TEKT1: variants seen among roughly 807,000 people sequenced by gnomAD.
TEKT1 encodes the protein tektin 1, also known as tektin-1.
In TEKT1, 32 loss-of-function variants were observed where a neutral mutation model predicts 34.8. The ratio of observed to expected loss-of-function variants is 0.92; its 90% CI spans 0.69 to 1.23. TEKT1 has a LOEUF of 1.23. TEKT1 is among the 50% of genes most tolerant of loss of function. The pLI is 0.00. For missense variants in TEKT1, 492 were observed against 518.5 expected (o/e 0.95, Z 0.50); for synonymous variants, 207 against 199.8 (o/e 1.04, Z -0.30).
At position 6,813,070 on chromosome 17, in the gene TEKT1, G is replaced by A. The variant is rs371322336; in HGVS notation, c.630-17C>T. 2.9e-5 allele frequency: 47 copies of A among 1,604,382 alleles called. No individual in the cohort carries two copies. The highest frequency in any genetic ancestry group is 1.3e-4 in the Admixed American group (8 of 59,838). ...CTCACGGAGCTGAAACAGACCTCAC[G>A]CTTTCATTCACAGCATATTTGGGGT... On this transcript the variant is annotated splice_polypyrimidine_tract_variant and intron_variant, in intron 5 of 7. Transcript: ENST00000338694.
At chr17:6,823,815 CTTTTTTT>C (rs33937600) in intron 2 of TEKT1, among the ~76,000 whole-genome samples, 5 of 77,666 alleles carry the variant, frequency 6.4e-5, no homozygotes, top group African/African-American at 3.0e-4. Flanking sequence ...AAACCTCATC[CTTTTTTT>C]TTTTTTTTTT....
intron 3 of TEKT1, among the ~76,000 whole-genome samples, chr17:6,817,518 G>A (rs1428805328): frequency 6.6e-6 from 1 of 152,068 alleles, no homozygotes; most frequent in South Asian, 2.1e-4. Context: ...TTCTTTCTTA[G>A]CCCTTTCAAG....
At chr17:6,820,589 TCTCAATATGCC>T (rs1977073356) in intron 2 of TEKT1, among the ~76,000 whole-genome samples, 1 of 152,180 alleles carries the variant, frequency 6.6e-6, no homozygotes, top group Non-Finnish European at 1.5e-5. Context: ...ATTAATTTTT[TCTCAATATGCC>T]CTCAATATAT....
rs1976717526 is a variant in TEKT1 at position 6,798,037 on chromosome 17, C to A, written c.*1990G>T. On this transcript the variant is annotated 3_prime_UTR_variant, in exon 8 of 8. Transcript: ENST00000338694. The stretch of plus-strand genomic sequence containing the variant: ...TTTATTGAAATCTTAGATGTTTCCG[C>A]ATTTTATGTCTACATGTTGAGAAAT... 1 of 152,214 alleles carries A rather than the reference C, an allele frequency of 6.6e-6. No individual in the cohort carries two copies. Among genetic ancestry groups the A allele is most frequent in the South Asian group, 2.1e-4 (1 of 4,834 alleles). The allele number at this position is 152,214 out of a possible 1,614,324, so 9.4% of individuals were successfully genotyped here.
At chr17:6,816,068 G>A (rs1977004046) in intron 3 of TEKT1, 106 bp from the exon 4 acceptor site, 3 of 1,473,870 alleles carry the variant, frequency 2.0e-6, no homozygotes, top group Non-Finnish European at 2.7e-6. Context: ...TGATTTGAGT[G>A]TCACCCGATC....
intron 6 of TEKT1, among the ~76,000 whole-genome samples, chr17:6,809,208 T>C (rs1281650163): frequency 6.6e-6 from 1 of 152,086 alleles, no homozygotes; most frequent in Non-Finnish European, 1.5e-5. Context: ...ACTCTTTGTG[T>C]TGTACAATCT....
At chr17:6,812,717 A>T in intron 6 of TEKT1, 114 bp downstream of exon 6, 1 of 1,016,032 alleles carries the variant, frequency 9.8e-7, no homozygotes, top group Non-Finnish European at 1.5e-6. Flanking sequence ...CCCACGAGTT[A>T]ACCCAATATC....
At chr17:6,805,931 A>G (rs1219086535) in intron 6 of TEKT1, among the ~76,000 whole-genome samples, 1 of 152,168 alleles carries the variant, frequency 6.6e-6, no homozygotes, top group Admixed American at 6.6e-5. Flanking sequence ...TGCTGAGAAG[A>G]ATGTATATTC....
intron 2 of TEKT1, among the ~76,000 whole-genome samples, chr17:6,826,263 G>GTT (rs1393593886): frequency 2.0e-5 from 3 of 152,204 alleles, no homozygotes; most frequent in Admixed American, 2.0e-4. Flanking sequence ...CTTGTAAGGT[G>GTT]TCTGTCAAGA....
At chr17:6,817,375 CA>C (rs145238201) in intron 3 of TEKT1, among the ~76,000 whole-genome samples, 1 of 151,322 alleles carries the variant, frequency 6.6e-6, no homozygotes, top group African/African-American at 2.4e-5. Flanking sequence ...AACTCCATCT[CA>C]AAAAAAATTT....
chr17:6,814,395 G>A (rs930209566), intron 5 of TEKT1, among the ~76,000 whole-genome samples: 3 of 152,174 alleles, frequency 2.0e-5, no homozygotes, highest in African/African-American at 4.8e-5. Context: ...AATGTTAACC[G>A]AAAAATGCAA....
chr17:6,829,831 T>C lies in TEKT1; in HGVS notation c.190+356A>G, dbSNP rs746378205. Among the ~76,000 whole-genome samples the C allele has an allele frequency of 3.4e-4, 52 of 152,200 alleles. 1 individual carries two copies. The highest frequency in any genetic ancestry group is 8.8e-5 in the Non-Finnish European group (6 of 68,042). The stretch of plus-strand genomic sequence containing the variant: ...GAACCCATGGATACAAAGGGCTGAC[T>C]GTATTCTGATGATTAATTTTTGTAT... On this transcript the variant is annotated intron_variant, in intron 2 of 7. Coordinates refer to ENST00000338694, the MANE Select transcript of TEKT1 (RefSeq NM_053285.2).
chr17:6,816,122 G>A (rs1013244794), intron 3 of TEKT1, among the ~76,000 whole-genome samples, 160 bp from the exon 4 acceptor site: 1 of 152,236 alleles, frequency 6.6e-6, no homozygotes, highest in African/African-American at 2.4e-5. Context: ...TGGTGTCTAT[G>A]TGACTTCAAA....
At chr17:6,807,649 G>A (rs577779092) in intron 6 of TEKT1, among the ~76,000 whole-genome samples, 9 of 152,296 alleles carry the variant, frequency 5.9e-5, no homozygotes, top group Non-Finnish European at 1.0e-4. Context: ...GGGTTTTGGT[G>A]TGGATGTCCT....
chr17:6,798,272 C>T lies in TEKT1; in HGVS notation c.*1755G>A, dbSNP rs964463204. 1.3e-5 allele frequency: 2 copies of T among 152,254 alleles called. No homozygotes were observed. The highest frequency in any genetic ancestry group is 4.8e-5 in the African/African-American group (2 of 41,460). The allele number at this position is 152,254 out of a possible 1,614,324, so 9.4% of individuals were successfully genotyped here. On this transcript the variant is annotated 3_prime_UTR_variant, in exon 8 of 8. Transcript: ENST00000338694. ...CTGATCCACCAGCTGATCTGAATCA[C>T]ATCTCCCTGCAGAGCCTGGGATCTG...
At chr17:6,803,144 C>T (rs368638865) in intron 6 of TEKT1, among the ~76,000 whole-genome samples, 8 of 152,148 alleles carry the variant, frequency 5.3e-5, no homozygotes, top group Non-Finnish European at 8.8e-5. Flanking sequence ...TTTTAATGAT[C>T]GCCATTCTAA....
chr17:6,819,480 G>C, intron 2 of TEKT1, 122 bp from the exon 3 acceptor site: 2 of 904,636 alleles, frequency 2.2e-6, no homozygotes, highest in Non-Finnish European at 3.2e-6. Flanking sequence ...TTAGTGCTGT[G>C]CTATTTGGGG....
In TEKT1 at chr17:6,819,244, A is replaced by G. The variant is rs1051654281; in HGVS notation, c.305T>C (p.Leu102Pro). The G allele has an allele frequency of 6.2e-7, 1 of 1,614,006 alleles. No homozygotes were observed. The highest frequency in any genetic ancestry group is 1.7e-5 in the Admixed American group (1 of 59,982). ...GTGCAAGGGCTCTTTCAAGGTCTCC[A>G]GGGCTTTTTCCAATCTGATCTTATA... ...LIYKIRLEKA[L>P]ETLKEPLHIT... The change falls in exon 3 of 8, where the codon CTG becomes CCG. Residue 102 changes from leucine (L) to proline (P), a missense_variant. Coordinates refer to ENST00000338694, the MANE Select transcript of TEKT1 (RefSeq NM_053285.2).
Position 6,800,842 on chromosome 17 carries a change from C to G in TEKT1, c.954G>C (p.Glu318Asp), listed in dbSNP as rs1413173635. The G allele has an allele frequency of 6.2e-7, 1 of 1,614,178 alleles. No individual in the cohort carries two copies. Among genetic ancestry groups the G allele is most frequent in the Non-Finnish European group, 8.5e-7 (1 of 1,180,030 alleles). ...CCACGTTCGGCCGGTGTGTCCTGGT[C>G]TCCAAGCGCGTATGAGCCACCTTGG... ...GPAKVAHTRL[E>D]TRTHRPNVEL... The change falls in exon 7 of 8, where the codon GAG (glutamate) becomes GAC (aspartate). Residue 318 changes from glutamate to aspartate, a missense_variant. Transcript: ENST00000338694.
Sources: allele counts gnomAD v4.1 joint callset (sites outside exome capture counted in the v4.1 genomes callset), GRCh38; gene constraint gnomAD v4.1.1; transcripts MANE v1.5; gene names NCBI Gene and HGNC (gene_info 2026-07-23, HGNC 2026-07-21).